Variants in AFF2 observed in about 807,000 individuals in gnomAD.
AFF2 encodes ALF transcription elongation factor 2.
In AFF2, 14 loss-of-function variants were observed where a neutral mutation model predicts 76.9. The observed-to-expected ratio is 0.18, with a 90% CI of 0.12 to 0.28. AFF2 has a LOEUF of 0.28. Among genes scored for constraint, AFF2 ranks in the 10% least tolerant of loss-of-function variants. The pLI is 1.00. For missense variants in AFF2, 868 were observed against 1,001.1 expected (o/e 0.87, Z 1.79); for synonymous variants, 398 against 366.7 (o/e 1.09, Z -0.98).
At chrX:148,840,548 G>T (rs2070586612) in intron 5 of AFF2, among the ~76,000 whole-genome samples, 1 of 112,415 alleles carries the variant, frequency 8.9e-6, no homozygotes, top group Non-Finnish European at 1.9e-5. Context: ...TATTGTCAAG[G>T]CTATTGCTTA....
intron 3 of AFF2, among the ~76,000 whole-genome samples, chrX:148,731,179 C>T (rs1189628065): frequency 8.9e-6 from 1 of 112,044 alleles, no homozygotes; most frequent in Non-Finnish European, 1.9e-5. Context: ...CTGCACGTGT[C>T]CACACCTCAG....
At chrX:148,871,364 G>C (rs151311023) in intron 7 of AFF2, among the ~76,000 whole-genome samples, 7 of 111,187 alleles carry the variant, frequency 6.3e-5, no homozygotes, top group Non-Finnish European at 1.3e-4. Context: ...CCGGCCTTGC[G>C]TAGACTCAGC....
chrX:148,887,299 C>T (rs982729968), intron 8 of AFF2, among the ~76,000 whole-genome samples: 1 of 111,954 alleles, frequency 8.9e-6, no homozygotes, highest in African/African-American at 3.2e-5. Flanking sequence ...GTAAAATGTA[C>T]ACTTCATTTC....
At chrX:148,981,539 G>C (rs994093634) in intron 19 of AFF2, among the ~76,000 whole-genome samples, 1 of 111,281 alleles carries the variant, frequency 9.0e-6, no homozygotes, top group South Asian at 3.8e-4. Context: ...GTCTCTTATA[G>C]AGAGTGAGTT....
intron 3 of AFF2, among the ~76,000 whole-genome samples, chrX:148,677,014 C>T (rs782527750): frequency 9.1e-6 from 1 of 110,336 alleles, no homozygotes; most frequent in African/African-American, 3.3e-5. Flanking sequence ...TGGTGAGATT[C>T]GAGGCAGAAA....
At chrX:148,602,845 A>C (rs2053639237) in intron 1 of AFF2, among the ~76,000 whole-genome samples, 1 of 110,021 alleles carries the variant, frequency 9.1e-6, no homozygotes, top group South Asian at 3.9e-4. Context: ...TTTAAATGGA[A>C]TCTGTAAGGA....
chrX:148,669,471 G>A (rs893183831), intron 3 of AFF2, among the ~76,000 whole-genome samples: 2 of 111,934 alleles, frequency 1.8e-5, no homozygotes, highest in African/African-American at 6.5e-5. Context: ...AAGATTTAAC[G>A]GACTTACAGT....
intron 4 of AFF2, among the ~76,000 whole-genome samples, chrX:148,817,461 A>G (rs1354954279): frequency 1.1e-4 from 12 of 111,552 alleles, no homozygotes; most frequent in East Asian, 2.8e-4. Flanking sequence ...GCTTATAGCC[A>G]TCAATGAAAT....
At chrX:148,802,366 G>GTA (rs1291062083) in intron 3 of AFF2, among the ~76,000 whole-genome samples, 1 of 111,950 alleles carries the variant, frequency 8.9e-6, no homozygotes, top group Non-Finnish European at 1.9e-5. Flanking sequence ...TAACTGTTCT[G>GTA]TATTTTGAAC....
At chrX:148,677,543 TAA>T (rs1471979288) in intron 3 of AFF2, among the ~76,000 whole-genome samples, 1 of 112,580 alleles carries the variant, frequency 8.9e-6, no homozygotes, top group Non-Finnish European at 1.9e-5. Context: ...ATAGAAGTGA[TAA>T]GTTTCTATTA....
chrX:148,723,917 T>C (rs1350652469), intron 3 of AFF2, among the ~76,000 whole-genome samples: 5 of 104,987 alleles, frequency 4.8e-5, no homozygotes, highest in Non-Finnish European at 9.9e-5. Context: ...TTTTTCTTTT[T>C]TCTTTTTTTT....
chrX:148,732,618 A>G (rs1557264781), intron 3 of AFF2, among the ~76,000 whole-genome samples: 1 of 107,159 alleles, frequency 9.3e-6, no homozygotes, highest in Non-Finnish European at 1.9e-5. Flanking sequence ...GATGAAAAAA[A>G]AAAAAAACTA....
At chrX:148,899,028 C>A (rs1569556804) in intron 8 of AFF2, among the ~76,000 whole-genome samples, 1 of 111,902 alleles carries the variant, frequency 8.9e-6, no homozygotes, top group African/African-American at 3.2e-5. Flanking sequence ...TGTTTCCATG[C>A]ACGTTTTCAG....
At chrX:148,765,011 T>C (rs1414084074) in intron 3 of AFF2, among the ~76,000 whole-genome samples, 1 of 111,791 alleles carries the variant, frequency 8.9e-6, no homozygotes, top group African/African-American at 3.2e-5. Context: ...TTCACAACTC[T>C]GTAGTCTTTG....
At chrX:148,809,814 A>G in intron 3 of AFF2, 62 bp from the exon 4 acceptor site, 1 of 1,105,657 alleles carries the variant, frequency 9.0e-7, no homozygotes, top group Non-Finnish European at 1.2e-6. Flanking sequence ...CCTACAGAGT[A>G]AACTATTATA....
intron 3 of AFF2, among the ~76,000 whole-genome samples, chrX:148,702,311 A>G (rs1452438214): frequency 8.9e-6 from 1 of 111,944 alleles, no homozygotes; most frequent in East Asian, 2.8e-4. Context: ...TGTCAGAAAT[A>G]TTGAGTAATG....
chrX:148,748,174 G>A (rs1285617124), intron 3 of AFF2, among the ~76,000 whole-genome samples: 1 of 111,914 alleles, frequency 8.9e-6, no homozygotes, highest in South Asian at 3.7e-4. Context: ...TACAGTTAGC[G>A]GCACTACCAC....
Position 148,559,573 on chromosome X carries a change from C to T in AFF2, c.47+58429C>T, listed in dbSNP as rs192103346. On this transcript the variant is annotated intron_variant, in intron 1 of 20. Coordinates refer to ENST00000370460, the MANE Select transcript of AFF2 (RefSeq NM_002025.4). ...GTTTGCTGAGAATGATGGTTTCCAG[C>T]GTCATCCATGTCCCTGCAAAGGACA... Among the ~76,000 whole-genome samples, 486 of 111,286 alleles carry T rather than the reference C, an allele frequency of 4.4e-3. 4 individuals carry two copies. Among genetic ancestry groups the T allele is most frequent in the African/African-American group, 0.015 (461 of 30,602 alleles).
intron 3 of AFF2, among the ~76,000 whole-genome samples, chrX:148,685,109 G>A (rs1352015724): frequency 9.0e-6 from 1 of 111,623 alleles, no homozygotes; most frequent in Non-Finnish European, 1.9e-5. Flanking sequence ...TGCAAATTAA[G>A]CATGCTAAGA....
Sources: gnomAD v4.1 joint callset for allele counts (sites outside exome capture counted in the v4.1 genomes callset) on GRCh38, gnomAD v4.1.1 for gene constraint, MANE v1.5 for transcripts, NCBI Gene and HGNC (gene_info 2026-07-23, HGNC 2026-07-21) for gene names.